Variants in ADGRL3 observed in about 807,000 individuals in gnomAD.
The protein encoded by ADGRL3 is calcium-independent alpha-latrotoxin receptor 3.
Under a neutral mutation model 153.5 loss-of-function variants are expected in ADGRL3, and 62 were observed. The observed-to-expected ratio is 0.40, with a 90% CI of 0.33 to 0.50. ADGRL3 has a LOEUF of 0.50. Ranked by LOEUF, ADGRL3 falls within the 20% of genes least tolerant of loss-of-function variation. The probability of loss-of-function intolerance (pLI) is 0.47; values close to 1 mark genes in which losing one functional copy is unlikely to be tolerated. For missense variants in ADGRL3, 1,641 were observed against 1,859.4 expected (o/e 0.88, Z 2.16); for synonymous variants, 710 against 672.5 (o/e 1.06, Z -0.86).
chr4:62,006,577 A>ATTTTTTT (rs34336604), intron 21 of ADGRL3, among the ~76,000 whole-genome samples: 1 of 130,786 alleles, frequency 7.6e-6, no homozygotes, highest in Non-Finnish European at 1.6e-5. Flanking sequence ...CAATGTATAG[A>ATTTTTTT]TTTTTTTTTT....
At chr4:61,679,259 G>A (rs541682973) in intron 6 of ADGRL3, among the ~76,000 whole-genome samples, 9 of 151,932 alleles carry the variant, frequency 5.9e-5, no homozygotes, top group Non-Finnish European at 8.8e-5. Context: ...CCACGGGGAG[G>A]CCTTCAAGCC....
rs1561141926 is a variant in ADGRL3, at chr4:61,733,227, T to G, written c.1072T>G (p.Leu358Val). ...CAATGGTAAAATTGTCATTAGTCAATTGAACCCTTACACCCTACGGATCGA... is the reference window on the plus strand; with the variant it reads ...CAATGGTAAAATTGTCATTAGTCAAGTGAACCCTTACACCCTACGGATCGA... ...QNNGKIVISQ[L>V]NPYTLRIEGT... The change falls in exon 8 of 27, where the codon TTG (leucine) becomes GTG (valine). Residue 358 changes from leucine to valine, a missense_variant. This residue lies in a region of ADGRL3 where 213 missense variants were observed against 362.1 expected (regional missense o/e 0.59). Coordinates refer to ENST00000683033, the MANE Select transcript of ADGRL3 (RefSeq NM_001387552.1). The G allele has an allele frequency of 1.2e-6, 2 of 1,613,638 alleles. No individual in the cohort carries two copies.
At chr4:61,873,325 A>G (rs1474343867) in intron 9 of ADGRL3, among the ~76,000 whole-genome samples, 1 of 152,102 alleles carries the variant, frequency 6.6e-6, no homozygotes, top group African/African-American at 2.4e-5. Context: ...TGAAGCCTCC[A>G]CAATTTCTGT....
intron 1 of ADGRL3, among the ~76,000 whole-genome samples, chr4:61,217,404 T>A (rs970299809): frequency 1.3e-5 from 2 of 152,132 alleles, no homozygotes; most frequent in African/African-American, 4.8e-5. Context: ...TCAGAAGAGC[T>A]CATCACAGAC....
chr4:61,767,802 C>T (rs1471554423), intron 8 of ADGRL3, among the ~76,000 whole-genome samples: 2 of 152,120 alleles, frequency 1.3e-5, no homozygotes, highest in Non-Finnish European at 2.9e-5. Context: ...TGCTACAGTT[C>T]AGGCGTTTGG....
At chr4:62,005,961 T>TACACACACACAC (rs1242911317) in intron 21 of ADGRL3, among the ~76,000 whole-genome samples, 1 of 82,706 alleles carries the variant, frequency 1.2e-5, no homozygotes, top group African/African-American at 4.1e-5. Context: ...TACATATATA[T>TACACACACACAC]ACACATACAC....
At chr4:61,993,380 C>T (rs1441428319) in intron 19 of ADGRL3, among the ~76,000 whole-genome samples, 7 of 146,646 alleles carry the variant, frequency 4.8e-5, no homozygotes, top group Admixed American at 4.2e-4. Flanking sequence ...GCAACCTCTG[C>T]CCCCAGATTC....
At chr4:62,031,679 A>G in intron 23 of ADGRL3, 69 bp downstream of exon 23, 1 of 1,008,662 alleles carries the variant, frequency 9.9e-7, no homozygotes. Context: ...GCCACAACAT[A>G]TTCTAATATA....
chr4:61,303,269 A>C (rs1266134444), intron 1 of ADGRL3, among the ~76,000 whole-genome samples: 1 of 152,192 alleles, frequency 6.6e-6, no homozygotes, highest in Admixed American at 6.5e-5. Flanking sequence ...TGTGGTTTTC[A>C]GTGGGCAAAT....
intron 1 of ADGRL3, among the ~76,000 whole-genome samples, chr4:61,326,733 A>G (rs545368497): frequency 3.0e-4 from 46 of 151,658 alleles, no homozygotes; most frequent in African/African-American, 1.1e-3. Flanking sequence ...TCTTTTGGGG[A>G]GCTATTGCTC....
chr4:61,291,349 T>C (rs2094190325), intron 1 of ADGRL3, among the ~76,000 whole-genome samples: 1 of 151,520 alleles, frequency 6.6e-6, no homozygotes, highest in South Asian at 2.1e-4. Context: ...TATAAAACAA[T>C]ACAGTGTAAC....
intron 1 of ADGRL3, among the ~76,000 whole-genome samples, chr4:61,237,319 G>A (rs377210795): frequency 6.6e-6 from 1 of 152,080 alleles, no homozygotes; most frequent in African/African-American, 2.4e-5. Context: ...ACAATTTTTA[G>A]TGTTTTGGTC....
intron 1 of ADGRL3, among the ~76,000 whole-genome samples, chr4:61,293,050 T>C (rs2094283565): frequency 6.6e-6 from 1 of 152,136 alleles, no homozygotes; most frequent in Admixed American, 6.6e-5. Flanking sequence ...TAGCTAGTTA[T>C]CAAATACTGA....
intron 8 of ADGRL3, 63 bp from the exon 9 acceptor site, chr4:61,813,746 C>T (rs1047459747): frequency 7.6e-6 from 12 of 1,585,436 alleles, no homozygotes; most frequent in Non-Finnish European, 8.6e-7. Flanking sequence ...ATCATAAAAA[C>T]AATTTAAAAA....
intron 4 of ADGRL3, among the ~76,000 whole-genome samples, chr4:61,545,548 C>T (rs1176096401): frequency 6.6e-6 from 1 of 152,190 alleles, no homozygotes; most frequent in Non-Finnish European, 1.5e-5. Flanking sequence ...GAGTCTCACT[C>T]TGTTGCCCAG....
chr4:61,846,884 GAGATCTCATA>G lies in ADGRL3; in HGVS notation c.1480+32999_1480+33008del, dbSNP rs376145444. On this transcript the variant is annotated intron_variant, in intron 9 of 26. Transcript: ENST00000683033. ...GAGGTGCCACATGCTTTCAAATGAC[GAGATCTCATA>G]AGAACTCATCATCACAACGACAGCA... Among the ~76,000 whole-genome samples, 470 of 151,684 alleles carry G rather than the reference GAGATCTCATA, an allele frequency of 3.1e-3. 1 individual carries two copies. Among genetic ancestry groups the G allele is most frequent in the African/African-American group, 0.011 (457 of 41,284 alleles).
chr4:61,637,634 G>A (rs1301105322), intron 5 of ADGRL3, among the ~76,000 whole-genome samples: 5 of 151,982 alleles, frequency 3.3e-5, no homozygotes, highest in South Asian at 2.1e-4. Flanking sequence ...GTGGTGGCCC[G>A]CCTGTAATTC....
intron 1 of ADGRL3, among the ~76,000 whole-genome samples, chr4:61,234,272 A>G (rs1369352976): frequency 1.3e-5 from 2 of 152,140 alleles, no homozygotes; most frequent in South Asian, 2.1e-4. Flanking sequence ...CACATCTTAC[A>G]TAGTGGTGGC....
At position 62,070,209 on chromosome 4, in the gene ADGRL3, G is replaced by T. The variant is rs1056320730; in HGVS notation, c.3933G>T (p.Leu1311=). 10 of 1,613,792 alleles carry T rather than the reference G, an allele frequency of 6.2e-6. No individual in the cohort carries two copies. Among genetic ancestry groups the T allele is most frequent in the Non-Finnish European group, 8.5e-6 (10 of 1,179,986 alleles). The change falls in exon 27 of 27, where the codon CTG becomes CTT. Residue 1311 remains leucine (L), a synonymous_variant. Transcript: ENST00000683033. ...ACAGCATTGCCAGCGGCGAATACCT[G>T]AGCAACTGTGTGCAAATCATAGACC... The part of the protein sequence containing the change: ...NSYSIASGEY[L]SNCVQIIDRG...
Sources: gnomAD v4.1 joint callset for allele counts (sites outside exome capture counted in the v4.1 genomes callset) on GRCh38, gnomAD v4.1.1 for gene constraint, gnomAD v4.1.1 regional missense constraint, MANE v1.5 for transcripts, NCBI Gene and HGNC (gene_info 2026-07-23, HGNC 2026-07-21) for gene names.